The following GPLD1 variants were observed in gnomAD, a reference collection of about 807,000 sequenced individuals.
GPLD1 encodes the protein glycosylphosphatidylinositol specific phospholipase D1.
In GPLD1, 84 loss-of-function variants were observed where a neutral mutation model predicts 112.6. The observed-to-expected ratio is 0.75, with a 90% CI of 0.63 to 0.89. The LOEUF is 0.89. Ranked by LOEUF, GPLD1 falls within the 40% of genes least tolerant of loss-of-function variation. The probability of loss-of-function intolerance (pLI) is 0.00; values close to 1 mark genes in which losing one functional copy is unlikely to be tolerated. For synonymous variants in GPLD1, 386 were observed against 403.8 expected, an observed-to-expected ratio of 0.96 and a Z score of 0.53; for missense variants, 1,044 against 1,051.5, an observed-to-expected ratio of 0.99 and a Z score of 0.10.
At chr6:24,487,950 C>T (rs1398189009) in intron 1 of GPLD1, among the ~76,000 whole-genome samples, 1 of 152,176 alleles carries the variant, frequency 6.6e-6, no homozygotes, top group Non-Finnish European at 1.5e-5. Context: ...AGTGTCCTTT[C>T]AGATAGTCAA....
chr6:24,433,502 T>C (rs1217357259), intron 22 of GPLD1, 113 bp from the exon 23 acceptor site: 3 of 646,606 alleles, frequency 4.6e-6, no homozygotes, highest in Non-Finnish European at 7.9e-6. Flanking sequence ...TTTTTTTTTT[T>C]TTTTTTTTGA....
intron 10 of GPLD1, among the ~76,000 whole-genome samples, 170 bp from the exon 11 acceptor site, chr6:24,462,965 T>A (rs536807934): frequency 6.6e-6 from 1 of 152,296 alleles, no homozygotes; most frequent in South Asian, 2.1e-4. Flanking sequence ...GTGGGTAGGC[T>A]GACGGTTGTC....
chr6:24,454,793 C>T (rs937057575), intron 13 of GPLD1, among the ~76,000 whole-genome samples: 2 of 152,176 alleles, frequency 1.3e-5, no homozygotes, highest in African/African-American at 4.8e-5. Flanking sequence ...GCTGGAAAGA[C>T]CAAAAGTCAT....
chr6:24,442,218 G>C (rs1762769778), intron 20 of GPLD1, among the ~76,000 whole-genome samples: 1 of 150,198 alleles, frequency 6.7e-6, no homozygotes, highest in Admixed American at 6.7e-5. Flanking sequence ...GAACTCCTGG[G>C]CTCAAGTGAT....
At position 24,449,626 on chromosome 6, in the gene GPLD1, C is replaced by T. The variant is rs146373406; in HGVS notation, c.1446+163G>A. ...GGTGCTACAAGGTAACTCAAGGTCA[C>T]GGCAAGAACCCCATAGGGGCCTGAG... On this transcript the variant is annotated intron_variant, in intron 15 of 24. Coordinates refer to ENST00000230036, the MANE Select transcript of GPLD1 (RefSeq NM_001503.4). Among the ~76,000 whole-genome samples, 498 of 152,312 alleles carry T rather than the reference C, an allele frequency of 3.3e-3. 5 individuals carry two copies. Among genetic ancestry groups the T allele is most frequent in the African/African-American group, 0.011 (458 of 41,560 alleles).
rs565890129 is a variant in GPLD1 at position 24,446,982 on chromosome 6, A to G, written c.1679-3T>C. On this transcript the variant is annotated splice_polypyrimidine_tract_variant and splice_region_variant and intron_variant, in intron 17 of 24. Transcript: ENST00000230036. ...GGCTGCCTCCACGTTCAGTTTTTCT[A>G]AAGAAGACAACTCATCCTTTTTACT... is the stretch of plus-strand genomic sequence containing the variant. 4 of 1,612,574 alleles carry G rather than the reference A, an allele frequency of 2.5e-6. No individual in the cohort carries two copies. Among genetic ancestry groups the G allele is most frequent in the East Asian group, 2.2e-5 (1 of 44,864 alleles).
chr6:24,492,130 A>G (rs1261195860), upstream of GPLD1, among the ~76,000 whole-genome samples: 1 of 152,200 alleles, frequency 6.6e-6, no homozygotes, highest in Non-Finnish European at 1.5e-5. Context: ...GTAAACATAC[A>G]GTTACATTAA....
At chr6:24,472,735 C>T (rs1763865121) in intron 6 of GPLD1, 99 bp from the exon 7 acceptor site, 1 of 718,282 alleles carries the variant, frequency 1.4e-6, no homozygotes, top group Non-Finnish European at 2.5e-6. Flanking sequence ...ATTAGTTTTT[C>T]ACATTATTAC....
intron 22 of GPLD1, among the ~76,000 whole-genome samples, chr6:24,435,023 T>C (rs1762525171): frequency 6.7e-6 from 1 of 150,174 alleles, no homozygotes; most frequent in South Asian, 2.1e-4. Flanking sequence ...TTTCTTTTTT[T>C]TTTTTTTTGA....
At chr6:24,470,880 T>C (rs1763794860) in intron 7 of GPLD1, among the ~76,000 whole-genome samples, 2 of 152,226 alleles carry the variant, frequency 1.3e-5, no homozygotes, top group Admixed American at 1.3e-4. Flanking sequence ...ATTACAGGCA[T>C]GAGCCACCGT....
chr6:24,460,971 G>T (rs1763414775), intron 11 of GPLD1, among the ~76,000 whole-genome samples: 1 of 152,092 alleles, frequency 6.6e-6, no homozygotes, highest in Admixed American at 6.5e-5. Context: ...TCGAACTCCT[G>T]AGCTCAGGTG....
At chr6:24,430,885 T>C (rs1270484986) in intron 24 of GPLD1, among the ~76,000 whole-genome samples, 1 of 152,204 alleles carries the variant, frequency 6.6e-6, no homozygotes, top group Non-Finnish European at 1.5e-5. Context: ...ATTAGGAAGG[T>C]ACATTTGCAG....
At chr6:24,474,946 CAAA>C (rs10646493) in intron 5 of GPLD1, among the ~76,000 whole-genome samples, 172 bp downstream of exon 5, 10 of 108,608 alleles carry the variant, frequency 9.2e-5, no homozygotes, top group Admixed American at 1.0e-4. Context: ...GACTCCATCT[CAAA>C]AAAAAAAAAA....
intron 7 of GPLD1, among the ~76,000 whole-genome samples, chr6:24,468,059 A>C (rs1763676542): frequency 6.6e-6 from 1 of 152,106 alleles, no homozygotes; most frequent in South Asian, 2.1e-4. Flanking sequence ...GGCGTGTGCC[A>C]CCACGCCCGG....
chr6:24,451,326 C>G (rs983823594), intron 14 of GPLD1, among the ~76,000 whole-genome samples: 1 of 134,046 alleles, frequency 7.5e-6, no homozygotes, highest in Non-Finnish European at 1.8e-5. Context: ...TTTTCCAATT[C>G]TTTCTCTTTT....
intron 20 of GPLD1, 109 bp from the exon 21 acceptor site, chr6:24,437,398 A>C: frequency 9.3e-7 from 1 of 1,074,632 alleles, no homozygotes; most frequent in Non-Finnish European, 1.3e-6. Flanking sequence ...CCTACAGGAC[A>C]GTCGGTTTCG....
Position 24,473,610 on chromosome 6 carries a change from A to T in GPLD1, c.490+9T>A. 6.3e-7 allele frequency: 1 copy of T among 1,582,832 alleles called. No individual in the cohort carries two copies. The highest frequency in any genetic ancestry group is 1.1e-5 in the South Asian group (1 of 90,382). On this transcript the variant is annotated intron_variant, in intron 6 of 24. Transcript: ENST00000230036. ...ACGAGAAAATTTAGCAAATGTAAAT[A>T]AACAGTACCAAAATCACCAGCCGAA...
chr6:24,486,774 C>T (rs539493131), intron 1 of GPLD1, among the ~76,000 whole-genome samples: 42 of 151,890 alleles, frequency 2.8e-4, no homozygotes, highest in Middle Eastern at 3.4e-3. Context: ...GCCGAGACCA[C>T]GCCACTGCAC....
At position 24,486,075 on chromosome 6, in the gene GPLD1, C is replaced by T. The variant is rs762560569; in HGVS notation, c.153G>A (p.Glu51=). The change falls in exon 2 of 25, where the codon GAG becomes GAA. Residue 51 remains glutamate (E), a splice_region_variant and synonymous_variant. Coordinates refer to ENST00000230036, the MANE Select transcript of GPLD1 (RefSeq NM_001503.4). The part of the protein sequence containing the change: ...QLHNGRVNYR[E]LLLEHQDAYQ... ...AGAAAAGAAAAATCAAGATTTCTAC[C>T]TCTCTGTAGTTAACACGCCCATTGT... 3 of 1,570,350 alleles carry T rather than the reference C, an allele frequency of 1.9e-6. No homozygotes were observed. The highest frequency in any genetic ancestry group is 2.6e-6 in the Non-Finnish European group (3 of 1,145,208).
Sources: gnomAD v4.1 joint callset for allele counts (sites outside exome capture counted in the v4.1 genomes callset) on GRCh38, gnomAD v4.1.1 for gene constraint, MANE v1.5 for transcripts, NCBI Gene and HGNC (gene_info 2026-07-23, HGNC 2026-07-21) for gene names.